Variants in PSD3 observed in about 807,000 individuals in gnomAD.
The protein encoded by PSD3 is pleckstrin and Sec7 domain containing 3, also known as PH and SEC7 domain-containing protein 3.
Under a neutral mutation model 105.5 loss-of-function variants are expected in PSD3, and 49 were observed. That is an observed-to-expected ratio of 0.46 (90% CI 0.37 to 0.59). The LOEUF is 0.59. PSD3 is among the 20% of genes least tolerant of loss of function. The pLI is 0.00. For missense variants in PSD3, 1,561 were observed against 1,263.8 expected (o/e 1.24, Z -3.57); for synonymous variants, 557 against 457.8 (o/e 1.22, Z -2.77).
At chr8:19,035,058 T>A (rs1475255735) in intron 1 of PSD3, among the ~76,000 whole-genome samples, 2 of 152,220 alleles carry the variant, frequency 1.3e-5, no homozygotes, top group Admixed American at 6.5e-5. Context: ...GATGAAATGT[T>A]CATTTTTGAC....
At chr8:18,992,312 A>T (rs1586591995) in intron 1 of PSD3, among the ~76,000 whole-genome samples, 1 of 151,304 alleles carries the variant, frequency 6.6e-6, no homozygotes, top group Non-Finnish European at 1.5e-5. Flanking sequence ...TGATACTTAA[A>T]AAAAAAAAAA....
At chr8:18,585,370 T>C (rs1207946795) in intron 12 of PSD3, among the ~76,000 whole-genome samples, 8 of 152,102 alleles carry the variant, frequency 5.3e-5, no homozygotes, top group Admixed American at 1.3e-4. Flanking sequence ...CAGGCTAGAG[T>C]GCAATGACCC....
chr8:18,939,008 G>T (rs552854576), intron 1 of PSD3, among the ~76,000 whole-genome samples: 33 of 133,524 alleles, frequency 2.5e-4, no homozygotes, highest in African/African-American at 8.6e-4. Flanking sequence ...GATGCCCCAA[G>T]GACTCACTAA....
chr8:18,917,945 A>C (rs1208471574), intron 2 of PSD3, among the ~76,000 whole-genome samples: 1 of 152,138 alleles, frequency 6.6e-6, no homozygotes, highest in African/African-American at 2.4e-5. Flanking sequence ...TTATGTATTT[A>C]TGTATCCTAA....
rs949806562 is a variant in PSD3, at chr8:18,787,580, C to T, written c.2082+11715G>A. 4.5e-4 allele frequency among the ~76,000 whole-genome samples: 68 copies of T among 152,236 alleles called. 1 individual carries two copies. The highest frequency in any genetic ancestry group is 1.2e-3 in the African/African-American group (51 of 41,560). ...ATATTTGGCTAATCAAGGTATCATC[C>T]TTTATGGGAGCAAATATTAATCAAA... is the stretch of plus-strand genomic sequence containing the variant. On this transcript the variant is annotated intron_variant, in intron 8 of 15. Coordinates refer to ENST00000327040, the MANE Select transcript of PSD3 (RefSeq NM_015310.4).
At chr8:18,800,022 A>C (rs1432117811) in intron 7 of PSD3, among the ~76,000 whole-genome samples, 2 of 152,180 alleles carry the variant, frequency 1.3e-5, no homozygotes, top group East Asian at 3.8e-4. Flanking sequence ...AGTGTCTCTA[A>C]ATAGACACTA....
chr8:18,958,212 A>G (rs574753521), intron 1 of PSD3, among the ~76,000 whole-genome samples: 1 of 152,344 alleles, frequency 6.6e-6, no homozygotes, highest in East Asian at 1.9e-4. Flanking sequence ...GCCAAGATAT[A>G]CTGTTACATA....
In PSD3 at chr8:18,632,668, C is replaced by T; in HGVS notation, c.2355G>A (p.Val785=). The T allele has an allele frequency of 1.2e-6, 2 of 1,612,734 alleles. No homozygotes were observed. The highest frequency in any genetic ancestry group is 8.5e-7 in the Non-Finnish European group (1 of 1,179,114). Residue 785 remains valine, a synonymous_variant, in exon 11 of 16, where the codon GTG becomes GTA. Transcript: ENST00000327040. The part of the protein sequence containing the change: ...LDIPHDPNAA[V]YKSGFLARKI... Reference sequence around the variant, plus strand: ...TCCGAGCCAAGAATCCACTTTTGTACACAGCAGCATTTGGATCATGAGGAA... The same window carrying T: ...TCCGAGCCAAGAATCCACTTTTGTATACAGCAGCATTTGGATCATGAGGAA...
chr8:19,025,158 C>T (rs925597439), intron 1 of PSD3, among the ~76,000 whole-genome samples: 2 of 151,480 alleles, frequency 1.3e-5, no homozygotes, highest in East Asian at 2.0e-4. Flanking sequence ...CTGGATTTGG[C>T]GTAGGTTTCA....
At chr8:19,017,750 A>G (rs1827223265), upstream of PSD3, among the ~76,000 whole-genome samples, 2 of 152,098 alleles carry the variant, frequency 1.3e-5, no homozygotes, top group South Asian at 4.1e-4. Flanking sequence ...TTCATTTTTT[A>G]TTGCTAAATA....
At chr8:19,000,932 G>C (rs374375622) in intron 1 of PSD3, 4 of 151,888 alleles carry the variant, frequency 2.6e-5, no homozygotes, top group Non-Finnish European at 5.9e-5. Flanking sequence ...CATCGGTAAA[G>C]TGGGGCATAA....
At chr8:19,032,765 A>G (rs1827812965) in intron 1 of PSD3, among the ~76,000 whole-genome samples, 1 of 152,158 alleles carries the variant, frequency 6.6e-6, no homozygotes, top group Admixed American at 6.5e-5. Context: ...AAATATTAGT[A>G]ACTTATAGCT....
chr8:18,773,207 G>A (rs1257370235), intron 8 of PSD3, among the ~76,000 whole-genome samples: 1 of 152,072 alleles, frequency 6.6e-6, no homozygotes, highest in Non-Finnish European at 1.5e-5. Context: ...GTGATATAAG[G>A]GTCCTACTTC....
chr8:18,615,274 G>C (rs1202347859), intron 11 of PSD3, among the ~76,000 whole-genome samples: 1 of 151,876 alleles, frequency 6.6e-6, no homozygotes, highest in African/African-American at 2.4e-5. Flanking sequence ...AACCTGCTCT[G>C]CCCTGACTCC....
intron 2 of PSD3, among the ~76,000 whole-genome samples, chr8:18,914,152 G>A (rs1446362449): frequency 6.8e-6 from 1 of 147,674 alleles, no homozygotes; most frequent in African/African-American, 2.5e-5. Flanking sequence ...CATCTCCATA[G>A]ACTCATAAAC....
chr8:18,844,048 T>C (rs1419200245), intron 4 of PSD3, among the ~76,000 whole-genome samples: 1 of 152,138 alleles, frequency 6.6e-6, no homozygotes, highest in East Asian at 1.9e-4. Flanking sequence ...TTTTGAGTTC[T>C]GGTCCCACAA....
At chr8:18,666,737 G>C (rs911294672) in intron 9 of PSD3, among the ~76,000 whole-genome samples, 1 of 147,208 alleles carries the variant, frequency 6.8e-6, no homozygotes, top group Admixed American at 7.1e-5. Flanking sequence ...GGGGTGGGGG[G>C]AAGTAGCTGG....
chr8:18,554,075 G>T (rs986371140), intron 15 of PSD3, among the ~76,000 whole-genome samples: 1 of 152,150 alleles, frequency 6.6e-6, no homozygotes, highest in Non-Finnish European at 1.5e-5. Flanking sequence ...AAGAGGTAGC[G>T]CTGTCGACTC....
chr8:18,808,688 GAAC>G (rs1403561640), intron 4 of PSD3: 14 of 1,598,600 alleles, frequency 8.8e-6, no homozygotes, highest in Non-Finnish European at 1.2e-5. Context: ...GAGATTATTT[GAAC>G]AAGAACCGGA....
Sources: gnomAD v4.1 joint callset for allele counts (sites outside exome capture counted in the v4.1 genomes callset) on GRCh38, gnomAD v4.1.1 for gene constraint, MANE v1.5 for transcripts, NCBI Gene and HGNC (gene_info 2026-07-23, HGNC 2026-07-21) for gene names.